Variants in MROH1 observed in about 807,000 individuals in gnomAD.
MROH1 encodes the protein maestro heat like repeat family member 1, also known as maestro heat-like repeat-containing protein family member 1.
Under a neutral mutation model 116.5 loss-of-function variants are expected in MROH1, and 117 were observed. That is an observed-to-expected ratio of 1.00 (90% CI 0.86 to 1.17). MROH1 has a LOEUF of 1.17. Ranked by LOEUF, MROH1 falls within the 50% of genes most tolerant of loss-of-function variation. The pLI is 0.00. For missense variants in MROH1, 1,873 were observed against 1,338.5 expected, an observed-to-expected ratio of 1.40 and a Z score of -6.23; for synonymous variants, 921 against 583.9, an observed-to-expected ratio of 1.58 and a Z score of -8.32.
intron 14 of MROH1, among the ~76,000 whole-genome samples, chr8:144,234,497 C>CGTTTTTTTTTTTTTTTTTTTT (rs1839617065): frequency 4.8e-5 from 1 of 20,630 alleles, no homozygotes; most frequent in Non-Finnish European, 1.1e-4. Context: ...CTTTCTTTTT[C>CGTTTTTTTTTTTTTTTTTTTT]GTTTTTTTTT....
chr8:144,191,906 A>C, intron 9 of MROH1, 51 bp downstream of exon 9: 1 of 1,602,264 alleles, frequency 6.2e-7, no homozygotes, highest in East Asian at 2.2e-5. Flanking sequence ...CTCCAATCAG[A>C]CTCCCCGGGG....
chr8:144,181,488 C>T (rs972477046), intron 7 of MROH1, among the ~76,000 whole-genome samples: 1 of 152,200 alleles, frequency 6.6e-6, no homozygotes, highest in Non-Finnish European at 1.5e-5. Context: ...TCCTGCCACC[C>T]TCTCCTCAGC....
At chr8:144,195,194 T>TGAAAAAAAAAAAAAAAA in intron 10 of MROH1, among the ~76,000 whole-genome samples, 2 of 1,068 alleles carry the variant, frequency 1.9e-3, no homozygotes, top group Admixed American at 0.018. Context: ...GACTGTGTCT[T>TGAAAAAAAAAAAAAAAA]TAAAAAAAAA....
At chr8:144,171,771 C>T (rs1822506028) in intron 4 of MROH1, among the ~76,000 whole-genome samples, 4 of 152,204 alleles carry the variant, frequency 2.6e-5, no homozygotes, top group Non-Finnish European at 5.9e-5. Context: ...TAAACAACTG[C>T]CTGACCATCA....
chr8:144,163,234 C>T lies in MROH1; in HGVS notation c.-56-537C>T, dbSNP rs1209673078. Among the ~76,000 whole-genome samples the T allele has an allele frequency of 1.3e-5, 2 of 152,182 alleles. No individual in the cohort carries two copies. The highest frequency in any genetic ancestry group is 4.8e-5 in the African/African-American group (2 of 41,448). On this transcript the variant is annotated intron_variant, in intron 2 of 43. Transcript: ENST00000326134. This position sits in a 1 kb window ranked among gnomAD's most constrained non-coding sequence, Gnocchi z 4.4. ...ATGTGAGTGTTAGGATGCTGGCTGCCATGCTTATGGTGGGCCTGCAGCCCC... is the reference window on the plus strand; with the variant it reads ...ATGTGAGTGTTAGGATGCTGGCTGCTATGCTTATGGTGGGCCTGCAGCCCC...
chr8:144,166,420 G>A (rs1209045553), intron 3 of MROH1, among the ~76,000 whole-genome samples: 4 of 152,214 alleles, frequency 2.6e-5, no homozygotes, highest in Non-Finnish European at 5.9e-5. Context: ...GAGCACGCAG[G>A]CCCCGGTTCA....
chr8:144,156,770 A>T (rs1156994769), intron 1 of MROH1, among the ~76,000 whole-genome samples: 32 of 121,166 alleles, frequency 2.6e-4, no homozygotes, highest in African/African-American at 8.6e-4. Context: ...ATTGCTTTGT[A>T]GTTTAATTTC....
At chr8:144,261,091 G>A in intron 41 of MROH1, 23 bp from the exon 42 acceptor site, 1 of 775,214 alleles carries the variant, frequency 1.3e-6, no homozygotes, top group South Asian at 1.3e-5. Context: ...GGGCCAGGCG[G>A]CACTGACCAG....
intron 35 of MROH1, among the ~76,000 whole-genome samples, chr8:144,256,686 A>C (rs1688629119): frequency 6.6e-6 from 1 of 152,238 alleles, no homozygotes; most frequent in Non-Finnish European, 1.5e-5. Context: ...GGACGATTGC[A>C]GAGCCTGGTG....
At chr8:144,234,853 T>C (rs1839764165) in intron 14 of MROH1, among the ~76,000 whole-genome samples, 1 of 151,228 alleles carries the variant, frequency 6.6e-6, no homozygotes. Flanking sequence ...CAGTTTATTA[T>C]TTGCTACTGT....
At chr8:144,221,838 TC>T (rs1393736297) in intron 13 of MROH1, among the ~76,000 whole-genome samples, 2 of 152,034 alleles carry the variant, frequency 1.3e-5, no homozygotes, top group Admixed American at 6.6e-5. Flanking sequence ...GGAAGCCTCC[TC>T]GGGGTGGGGA....
chr8:144,253,165 A>T (rs1843129688), intron 33 of MROH1, among the ~76,000 whole-genome samples: 2 of 151,636 alleles, frequency 1.3e-5, no homozygotes, highest in Admixed American at 1.3e-4. Context: ...AAAAAAAAAG[A>T]AGTGGAGTCA....
chr8:144,238,787 C>A lies in MROH1; in HGVS notation c.1370C>A (p.Pro457His). ...AAGCCAGGCCCCGGCAGCAAGGACC[C>A]CAAGGCCGACAGCGTGCGGGCCATC... ...PEKPGPGSKDPKADSVRAISV... is the reference protein window; with the variant it reads ...PEKPGPGSKDHKADSVRAISV... Residue 457 changes from proline to histidine, a missense_variant, in exon 15 of 44, where the codon CCC becomes CAC. Physicochemically the swap from Pro to His is moderately conservative, Grantham distance 77. Transcript: ENST00000326134. 2.6e-6 allele frequency: 2 copies of A among 774,292 alleles called. No homozygotes were observed. The highest frequency in any genetic ancestry group is 2.7e-5 in the South Asian group (2 of 74,554). The allele number at this position is 774,292 out of a possible 1,614,324, so 48.0% of individuals were successfully genotyped here.
At chr8:144,229,160 C>T (rs1162550840) in intron 14 of MROH1, among the ~76,000 whole-genome samples, 1 of 152,166 alleles carries the variant, frequency 6.6e-6, no homozygotes, top group Non-Finnish European at 1.5e-5. Context: ...TGACTTCCTC[C>T]ACTGATGTCT....
intron 14 of MROH1, among the ~76,000 whole-genome samples, chr8:144,232,470 G>GTTTATTTATTTATTTA: frequency 6.7e-6 from 1 of 148,502 alleles, no homozygotes; most frequent in African/African-American, 2.6e-5. Context: ...TGCTTTGTTT[G>GTTTATTTATTTATTTA]TTTGTTTATT....
chr8:144,247,282 C>T lies in MROH1; in HGVS notation c.2872-19C>T. 1 of 765,666 alleles carries T rather than the reference C, an allele frequency of 1.3e-6. No individual in the cohort carries two copies. 47.4% of individuals were successfully genotyped at this position (765,666 alleles called of 1,614,324 possible). On this transcript the variant is annotated intron_variant, in intron 29 of 43. Coordinates refer to ENST00000326134, the MANE Select transcript of MROH1 (RefSeq NM_032450.3). ...ACCCACCCCCAGCATTCTAATAGCC[C>T]AGGCATCTCCTCCTCCAGGCCCTGG...
At chr8:144,164,620 A>G (rs1468653537) in intron 3 of MROH1, among the ~76,000 whole-genome samples, 1 of 150,414 alleles carries the variant, frequency 6.6e-6, no homozygotes, top group Admixed American at 6.6e-5. Context: ...CTGCTCTTGA[A>G]CTCCTGGGCT....
intron 22 of MROH1, 23 bp from the exon 23 acceptor site, chr8:144,242,346 C>T (rs1295243417): frequency 2.0e-5 from 16 of 780,528 alleles, no homozygotes; most frequent in Admixed American, 1.0e-4. Context: ...ACTGAAGTCC[C>T]GCTGGTTCCT....
intron 4 of MROH1, among the ~76,000 whole-genome samples, chr8:144,173,653 C>T (rs1011226369): frequency 3.9e-5 from 6 of 152,082 alleles, no homozygotes; most frequent in African/African-American, 1.4e-4. Context: ...GTCTCAAACT[C>T]CTGACCTGAT....
Sources: gnomAD v4.1 joint callset for allele counts (sites outside exome capture counted in the v4.1 genomes callset) on GRCh38, gnomAD v4.1.1 for gene constraint, Gnocchi (gnomAD v3.1) non-coding constraint, MANE v1.5 for transcripts, NCBI Gene and HGNC (gene_info 2026-07-23, HGNC 2026-07-21) for gene names.